Variants in NARS2 observed in about 807,000 individuals in gnomAD.
NARS2 encodes the protein asparaginyl-tRNA synthetase.
NARS2 carries 60 observed loss-of-function variants against 62.9 expected under a neutral mutation model. That is an observed-to-expected ratio of 0.95 (90% confidence interval 0.77 to 1.18). NARS2 has a LOEUF of 1.18. Ranked by LOEUF, NARS2 falls within the 50% of genes most tolerant of loss-of-function variation. NARS2 has a pLI of 0.00. For synonymous variants in NARS2, 196 were observed against 200.0 expected (o/e 0.98, Z 0.17); for missense variants, 619 against 576.4 (o/e 1.07, Z -0.76).
At chr11:78,525,038 T>A (rs1861248483) in intron 6 of NARS2, among the ~76,000 whole-genome samples, 1 of 152,052 alleles carries the variant, frequency 6.6e-6, no homozygotes, top group Admixed American at 6.5e-5. Flanking sequence ...AAGAAGCCAA[T>A]CTAAAAGGGC....
At chr11:78,532,295 AT>A (rs1861509177) in intron 5 of NARS2, among the ~76,000 whole-genome samples, 1 of 152,196 alleles carries the variant, frequency 6.6e-6, no homozygotes, top group Non-Finnish European at 1.5e-5. Flanking sequence ...AAAATTAAGA[AT>A]TTCTATTTAA....
intron 5 of NARS2, among the ~76,000 whole-genome samples, chr11:78,557,510 G>A (rs1308039700): frequency 1.3e-5 from 2 of 152,128 alleles, no homozygotes; most frequent in African/African-American, 4.8e-5. Context: ...ACAGTAGGTC[G>A]ACACAGCATA....
At position 78,574,429 on chromosome 11, in the gene NARS2, G is replaced by A. The variant is rs146080997; in HGVS notation, c.60C>T (p.Pro20=). 14 of 1,614,048 alleles carry A rather than the reference G, an allele frequency of 8.7e-6. No individual in the cohort carries two copies. The highest frequency in any genetic ancestry group is 1.6e-4 in the Middle Eastern group (1 of 6,084). ...SVRFCSSAPF[P]KHKPSAKLSV... ...TCAGTTTGGCTGAAGGTTTGTGCTT[G>A]GGGAAGGGGGCGGAGGAACAGAAGC... The change falls in exon 1 of 14, where the codon CCC becomes CCT. Residue 20 remains proline, a synonymous_variant. Transcript: ENST00000281038.
intron 7 of NARS2, among the ~76,000 whole-genome samples, chr11:78,483,755 GA>G (rs888406821): frequency 6.6e-6 from 1 of 151,124 alleles, no homozygotes; most frequent in South Asian, 2.1e-4. Context: ...CAAACAAATG[GA>G]AAAAAAAATT....
chr11:78,542,450 T>C (rs973997566), intron 5 of NARS2, among the ~76,000 whole-genome samples: 2 of 152,136 alleles, frequency 1.3e-5, no homozygotes, highest in Admixed American at 1.3e-4. Flanking sequence ...CACTATTGCT[T>C]GAAAAATATT....
intron 11 of NARS2, among the ~76,000 whole-genome samples, chr11:78,459,854 T>C (rs1858324066): frequency 6.6e-6 from 1 of 152,138 alleles, no homozygotes; most frequent in Non-Finnish European, 1.5e-5. Context: ...CTGTTAAAGG[T>C]TATGATGGAT....
chr11:78,543,933 A>G (rs1312483435), intron 5 of NARS2, among the ~76,000 whole-genome samples: 1 of 146,946 alleles, frequency 6.8e-6, no homozygotes, highest in Non-Finnish European at 1.5e-5. Flanking sequence ...CGGGAGGCTG[A>G]GGCAGGAGAA....
intron 7 of NARS2, among the ~76,000 whole-genome samples, chr11:78,483,075 C>T (rs187364028): frequency 1.1e-4 from 16 of 152,268 alleles, no homozygotes; most frequent in African/African-American, 3.6e-4. Context: ...GGATGCAAGG[C>T]GGGTTCAACA....
intron 6 of NARS2, among the ~76,000 whole-genome samples, chr11:78,495,658 C>G (rs574710460): frequency 1.3e-5 from 2 of 152,194 alleles, no homozygotes; most frequent in Admixed American, 1.3e-4. Context: ...AAAAGCACAT[C>G]CTCACAAACG....
At chr11:78,550,659 C>T (rs1048235893) in intron 5 of NARS2, among the ~76,000 whole-genome samples, 2 of 152,060 alleles carry the variant, frequency 1.3e-5, no homozygotes, top group Non-Finnish European at 2.9e-5. Flanking sequence ...CAAAATGCTG[C>T]GGCCACTCCG....
intron 6 of NARS2, among the ~76,000 whole-genome samples, chr11:78,506,216 G>A (rs1006481606): frequency 6.6e-6 from 1 of 152,112 alleles, no homozygotes; most frequent in African/African-American, 2.4e-5. Context: ...CAAAGACGTG[G>A]ACCAACCGGC....
Position 78,471,729 on chromosome 11 carries a change from C to T in NARS2, c.960-2416G>A, listed in dbSNP as rs908776470. Reference sequence around the variant, plus strand: ...TCCCCAGAGTGTGATGTTCCCCTTCCTGTGTCCATGTGATCTCATTGTTCA... The same window carrying T: ...TCCCCAGAGTGTGATGTTCCCCTTCTTGTGTCCATGTGATCTCATTGTTCA... On this transcript the variant is annotated intron_variant, in intron 9 of 13. Transcript: ENST00000281038. Among the ~76,000 whole-genome samples the T allele has an allele frequency of 2.8e-5, 4 of 142,382 alleles. No individual in the cohort carries two copies. The East Asian group carries it at 8.5e-4, about 30-fold the overall frequency. The allele number at this position is 142,382 out of a possible 152,430, so 93.4% of individuals were successfully genotyped here. A position where few individuals can be genotyped will look rare whatever the true frequency, so the allele number is the denominator to read the frequency against.
intron 4 of NARS2, among the ~76,000 whole-genome samples, chr11:78,563,922 G>T: frequency 1.8e-5 from 2 of 111,212 alleles, no homozygotes; most frequent in South Asian, 3.0e-4. Context: ...TTATTATTGA[G>T]ATGGAATCTC....
intron 11 of NARS2, among the ~76,000 whole-genome samples, chr11:78,445,321 G>T: frequency 6.6e-6 from 1 of 152,038 alleles, no homozygotes; most frequent in East Asian, 1.9e-4. Context: ...TATTAAATTA[G>T]TAATATTTAA....
intron 11 of NARS2, among the ~76,000 whole-genome samples, chr11:78,444,731 A>AC (rs72230798): frequency 0.033 from 3,560 of 108,682 alleles, 161 homozygotes; most frequent in African/African-American, 0.12. Context: ...ACAAAACAAA[A>AC]AAAAAAAAAA....
intron 11 of NARS2, among the ~76,000 whole-genome samples, chr11:78,452,039 T>TCC: frequency 6.6e-6 from 1 of 152,328 alleles, no homozygotes; most frequent in East Asian, 1.9e-4. Flanking sequence ...ATCCATATCT[T>TCC]TTAGTTAGAT....
intron 5 of NARS2, among the ~76,000 whole-genome samples, chr11:78,531,532 G>A (rs1035880845): frequency 1.3e-5 from 2 of 151,812 alleles, no homozygotes; most frequent in African/African-American, 2.4e-5. Context: ...ATTAAAATGA[G>A]GTACATAAAC....
chr11:78,518,789 T>C (rs1861007216), intron 6 of NARS2, among the ~76,000 whole-genome samples: 1 of 152,158 alleles, frequency 6.6e-6, no homozygotes, highest in South Asian at 2.1e-4. Context: ...AGTGCTAGGA[T>C]TACAGGCATG....
intron 4 of NARS2, among the ~76,000 whole-genome samples, chr11:78,559,995 T>C (rs1311875570): frequency 6.6e-6 from 1 of 152,228 alleles, no homozygotes; most frequent in Admixed American, 6.5e-5. Flanking sequence ...TTCTCTAACA[T>C]TTTGGTGGTG....
Sources: gnomAD v4.1 joint callset for allele counts (sites outside exome capture counted in the v4.1 genomes callset) on GRCh38, gnomAD v4.1.1 for gene constraint, MANE v1.5 for transcripts, NCBI Gene and HGNC (gene_info 2026-07-23, HGNC 2026-07-21) for gene names.